SORCS3: variants seen among roughly 807,000 people sequenced by gnomAD.
SORCS3 encodes the protein sortilin related VPS10 domain containing receptor 3.
In SORCS3, 57 loss-of-function variants were observed where a neutral mutation model predicts 146.3. That is an observed-to-expected ratio of 0.39 (90% CI 0.31 to 0.49). The LOEUF is 0.49. Among genes scored for constraint, SORCS3 ranks in the 20% least tolerant of loss-of-function variants. The probability of loss-of-function intolerance (pLI) is 0.92; values close to 1 mark genes in which losing one functional copy is unlikely to be tolerated. For synonymous variants in SORCS3, 653 were observed against 618.5 expected, an observed-to-expected ratio of 1.06 and a Z score of -0.83; for missense variants, 1,341 against 1,575.5, an observed-to-expected ratio of 0.85 and a Z score of 2.52.
chr10:105,005,204 C>G (rs1318366262), intron 4 of SORCS3, among the ~76,000 whole-genome samples: 10 of 152,194 alleles, frequency 6.6e-5, no homozygotes, highest in Admixed American at 6.5e-4. Context: ...TGTTTAGTCT[C>G]ACATTCATTC....
intron 23 of SORCS3, among the ~76,000 whole-genome samples, chr10:105,255,024 T>TAAAAATACA: frequency 6.6e-6 from 1 of 150,742 alleles, no homozygotes; most frequent in East Asian, 2.0e-4. Flanking sequence ...CCGTCTCTAC[T>TAAAAATACA]AAAAATACAA....
chr10:105,196,413 G>T (rs2056544441), intron 14 of SORCS3, among the ~76,000 whole-genome samples: 1 of 152,180 alleles, frequency 6.6e-6, no homozygotes, highest in Admixed American at 6.5e-5. Flanking sequence ...AGACTAGCCT[G>T]ACCAACATGG....
intron 3 of SORCS3, among the ~76,000 whole-genome samples, chr10:104,958,295 C>T (rs76720354): frequency 0.012 from 1,894 of 152,136 alleles, 37 homozygotes; most frequent in African/African-American, 0.043. Context: ...TAGCTGCTTG[C>T]CACTGAGTAG....
At chr10:104,938,884 A>G (rs1314434208) in intron 3 of SORCS3, among the ~76,000 whole-genome samples, 1 of 152,166 alleles carries the variant, frequency 6.6e-6, no homozygotes, top group Non-Finnish European at 1.5e-5. Context: ...GATTGCAGCC[A>G]CTTGTCAATG....
At chr10:104,826,900 T>G (rs2017942018) in intron 1 of SORCS3, among the ~76,000 whole-genome samples, 2 of 152,250 alleles carry the variant, frequency 1.3e-5, no homozygotes. Flanking sequence ...CTAAATCTTC[T>G]GTTGTCATTT....
At chr10:104,973,434 G>A (rs1457964981) in intron 3 of SORCS3, among the ~76,000 whole-genome samples, 1 of 152,194 alleles carries the variant, frequency 6.6e-6, no homozygotes, top group Non-Finnish European at 1.5e-5. Flanking sequence ...GAGGGTGTAT[G>A]TGTTGAGGAA....
At chr10:104,690,717 G>A (rs1411013092) in intron 1 of SORCS3, among the ~76,000 whole-genome samples, 1 of 152,106 alleles carries the variant, frequency 6.6e-6, no homozygotes, top group Admixed American at 6.6e-5. Flanking sequence ...TGATGAGGAC[G>A]AGGTCTTGGG....
chr10:105,244,330 A>G (rs2056853519), intron 20 of SORCS3, among the ~76,000 whole-genome samples: 1 of 152,188 alleles, frequency 6.6e-6, no homozygotes, highest in Admixed American at 6.5e-5. Context: ...TTTGAAATGT[A>G]CAGGTCCACT....
At position 105,047,163 on chromosome 10, in the gene SORCS3, A is replaced by G. The variant is rs540551235; in HGVS notation, c.1028+4035A>G. Among the ~76,000 whole-genome samples the G allele has an allele frequency of 2.7e-3, 409 of 151,974 alleles. 3 individuals carry two copies. The highest frequency in any genetic ancestry group is 9.2e-3 in the African/African-American group (382 of 41,462). ...ATTTTTTTTTTCCTTTGCACATCCA[A>G]TGTGAATACTTGTTGTGATTCACAG... On this transcript the variant is annotated intron_variant, in intron 5 of 26. Transcript: ENST00000369701.
intron 2 of SORCS3, among the ~76,000 whole-genome samples, chr10:104,876,815 CCTT>C (rs1451247983): frequency 9.4e-5 from 14 of 148,866 alleles, no homozygotes; most frequent in African/African-American, 3.2e-4. Context: ...CTCTTTCTCT[CCTT>C]CTTTCTTTCT....
chr10:105,135,032 G>T (rs1332176009), intron 7 of SORCS3, among the ~76,000 whole-genome samples: 1 of 151,722 alleles, frequency 6.6e-6, no homozygotes, highest in African/African-American at 2.4e-5. Flanking sequence ...GCAAGCAAAA[G>T]GAAGGAAGGA....
At chr10:104,642,018 G>T in intron 1 of SORCS3, 64 bp downstream of exon 1, 11 of 405,676 alleles carry the variant, frequency 2.7e-5, no homozygotes, top group South Asian at 7.4e-5. Flanking sequence ...GGGGGGGTGG[G>T]TGGGAGCGAG....
intron 3 of SORCS3, among the ~76,000 whole-genome samples, chr10:104,971,291 C>CT (rs1020321841): frequency 4.6e-5 from 7 of 152,176 alleles, no homozygotes; most frequent in Admixed American, 1.3e-4. Context: ...CTAGAGTTGT[C>CT]TTACAGTAAT....
In SORCS3 at chr10:104,956,516, A is replaced by G. The variant is rs192598586; in HGVS notation, c.796-20819A>G. The stretch of plus-strand genomic sequence containing the variant: ...GAAAGCCCCAACATTTGTTGAACGT[A>G]TATGTGACAAGAGTTTTCCAAATGT... On this transcript the variant is annotated intron_variant, in intron 3 of 26. Coordinates refer to ENST00000369701, the MANE Select transcript of SORCS3 (RefSeq NM_014978.3). Among the ~76,000 whole-genome samples the G allele has an allele frequency of 8.9e-4, 136 of 152,302 alleles. 2 individuals carry two copies. The Middle Eastern group carries it at 0.01, about 11-fold the overall frequency.
intron 20 of SORCS3, among the ~76,000 whole-genome samples, chr10:105,244,251 G>T (rs1027437418): frequency 2.0e-5 from 3 of 151,310 alleles, no homozygotes; most frequent in Non-Finnish European, 4.4e-5. Flanking sequence ...TTTTAATCAA[G>T]ATTCTTCTTT....
At position 104,991,799 on chromosome 10, in the gene SORCS3, G is replaced by A. The variant is rs749022476; in HGVS notation, c.954+14306G>A. ...TAGGCGTGAGCCACTGCACCTGGCC[G>A]ATTTCCTCTTCTTACGTGAACATTG... On this transcript the variant is annotated intron_variant, in intron 4 of 26. Coordinates refer to ENST00000369701, the MANE Select transcript of SORCS3 (RefSeq NM_014978.3). 3.9e-5 allele frequency among the ~76,000 whole-genome samples: 6 copies of A among 152,084 alleles called. No individual in the cohort carries two copies. In the East Asian group the frequency reaches 7.7e-4, roughly 20 times the overall value.
chr10:105,152,308 T>C (rs997265855), intron 9 of SORCS3, among the ~76,000 whole-genome samples: 3 of 152,216 alleles, frequency 2.0e-5, no homozygotes, highest in Non-Finnish European at 4.4e-5. Context: ...CTTCCCACAT[T>C]TTATAAAGTA....
intron 3 of SORCS3, among the ~76,000 whole-genome samples, chr10:104,933,482 C>A (rs2019230055): frequency 6.6e-6 from 1 of 152,064 alleles, no homozygotes; most frequent in Non-Finnish European, 1.5e-5. Flanking sequence ...CATGTCAGGA[C>A]AGGGTAAACC....
intron 4 of SORCS3, among the ~76,000 whole-genome samples, chr10:105,002,028 C>T (rs1273683698): frequency 6.6e-6 from 1 of 152,106 alleles, no homozygotes; most frequent in South Asian, 2.1e-4. Flanking sequence ...TCCCTGGACA[C>T]GTGGGGAATG....
Sources: gnomAD v4.1 joint callset for allele counts (sites outside exome capture counted in the v4.1 genomes callset) on GRCh38, gnomAD v4.1.1 for gene constraint, MANE v1.5 for transcripts, NCBI Gene and HGNC (gene_info 2026-07-23, HGNC 2026-07-21) for gene names.